TBL3: variants seen among roughly 807,000 people sequenced by gnomAD.
TBL3 encodes transducin beta like 3.
A neutral mutation model predicts 102.7 loss-of-function variants in TBL3; 71 were observed. That is an observed-to-expected ratio of 0.69 (90% confidence interval 0.57 to 0.84). TBL3 has a LOEUF of 0.84. Ranked by LOEUF, TBL3 falls within the 40% of genes least tolerant of loss-of-function variation. The pLI, the probability that TBL3 is intolerant of heterozygous loss-of-function variation, is 0.00. For missense variants in TBL3, 1,188 were observed against 1,098.5 expected (o/e 1.08, Z -1.15); for synonymous variants, 578 against 477.7 (o/e 1.21, Z -2.74).
In TBL3 at chr16:1,981,236, C is replaced by T. The variant is rs554884907; in HGVS notation, c.*2551C>T. On this transcript the variant is annotated 3_prime_UTR_variant, in exon 22 of 22. Transcript: ENST00000568546. ...ATGGGCGAGGACCCTTCTGCCTCCC[C>T]GTGCTTGAGAGGGCTCTGGGGGACC... is the stretch of plus-strand genomic sequence containing the variant. The T allele has an allele frequency of 2.2e-5, 35 of 1,609,192 alleles. No individual in the cohort carries two copies. Among genetic ancestry groups the T allele is most frequent in the Non-Finnish European group, 2.7e-5 (32 of 1,178,102 alleles).
chr16:1,974,738 A>G (rs2083385901), intron 5 of TBL3, 25 bp from the exon 6 acceptor site: 1 of 1,611,246 alleles, frequency 6.2e-7, no homozygotes, highest in East Asian at 2.2e-5. Flanking sequence ...TGGGCATTCC[A>G]CCCCCTCACC....
At position 1,979,057 on chromosome 16, in the gene TBL3, G is replaced by A. The variant is rs537694064; in HGVS notation, c.*372G>A. On this transcript the variant is annotated 3_prime_UTR_variant, in exon 22 of 22. Coordinates refer to ENST00000568546, the MANE Select transcript of TBL3 (RefSeq NM_006453.3). ...CCTCATCGGGATCCTCGCGCTCACT[G>A]CTCCGTCGTGGGGTGCGGCACAGAG... 25 of 1,545,870 alleles carry A rather than the reference G, an allele frequency of 1.6e-5. No homozygotes were observed. In the Admixed American group the frequency reaches 4.7e-4, roughly 29 times the overall value.
Position 1,977,938 on chromosome 16 carries a change from C to T in TBL3, c.1959-20C>T. 1.3e-6 allele frequency: 2 copies of T among 1,587,648 alleles called. No individual in the cohort carries two copies. Among genetic ancestry groups the T allele is most frequent in the African/African-American group, 1.3e-5 (1 of 74,498 alleles). ...GCCCCAGCCAGCGGCCCTCAGTGGC[C>T]TCTCCTCCCCTCCCCACAGGCAGCA... On this transcript the variant is annotated intron_variant, in intron 18 of 21. Transcript: ENST00000568546.
chr16:1,979,502 G>A lies in TBL3; in HGVS notation c.*817G>A. 2 of 1,611,826 alleles carry A rather than the reference G, an allele frequency of 1.2e-6. No individual in the cohort carries two copies. Among genetic ancestry groups the A allele is most frequent in the Middle Eastern group, 1.7e-4 (1 of 6,054 alleles). ...CCGCGGGCACGGACAGCTCATCTGCGCGGCTGCTCTCGTAGGCGCGGGAAG... is the reference window on the plus strand; with the variant it reads ...CCGCGGGCACGGACAGCTCATCTGCACGGCTGCTCTCGTAGGCGCGGGAAG... On this transcript the variant is annotated 3_prime_UTR_variant, in exon 22 of 22. Coordinates refer to ENST00000568546, the MANE Select transcript of TBL3 (RefSeq NM_006453.3).
Position 1,977,583 on chromosome 16 carries a change from C to G in TBL3, c.1812C>G (p.His604Gln), listed in dbSNP as rs778984130. Reference protein sequence around the residue: ...NNECVRTLDAHEDKVWGLHCS... With the variant: ...NNECVRTLDAQEDKVWGLHCS... ...AGTGTGTGCGGACGCTGGATGCCCA[C>G]GAGGACAAGGTCTGGGGGCTGCACT... The change falls in exon 17 of 22, where the codon CAC becomes CAG. Residue 604 changes from histidine to glutamine, a missense_variant. Transcript: ENST00000568546. The G allele has an allele frequency of 6.3e-7, 1 of 1,578,508 alleles. No homozygotes were observed. Among genetic ancestry groups the G allele is most frequent in the Admixed American group, 1.8e-5 (1 of 55,890 alleles).
intron 1 of TBL3, among the ~76,000 whole-genome samples, chr16:1,972,780 C>G (rs2083369683): frequency 6.6e-6 from 1 of 152,198 alleles, no homozygotes; most frequent in Admixed American, 6.5e-5. Context: ...GTGCCAAGCA[C>G]TGGTAAAGGA....
chr16:1,977,445 G>T lies in TBL3; in HGVS notation c.1742+19G>T, dbSNP rs1192588775. The T allele has an allele frequency of 6.2e-7, 1 of 1,612,056 alleles. No homozygotes were observed. The highest frequency in any genetic ancestry group is 1.3e-5 in the African/African-American group (1 of 74,878). Reference sequence around the variant, plus strand: ...TGTCCAGGTGAGTGGGCTGGGGTGGGGCAGCGATGGAGTGGGGGGTGGCGG... The same window carrying T: ...TGTCCAGGTGAGTGGGCTGGGGTGGTGCAGCGATGGAGTGGGGGGTGGCGG... On this transcript the variant is annotated intron_variant, in intron 16 of 21. Coordinates refer to ENST00000568546, the MANE Select transcript of TBL3 (RefSeq NM_006453.3).
rs1469468381 is a variant in TBL3 at position 1,980,920 on chromosome 16, G to A, written c.*2235G>A. 1.9e-6 allele frequency: 3 copies of A among 1,608,392 alleles called. No individual in the cohort carries two copies. Among genetic ancestry groups the A allele is most frequent in the Admixed American group, 1.7e-5 (1 of 59,986 alleles). On this transcript the variant is annotated 3_prime_UTR_variant, in exon 22 of 22. Coordinates refer to ENST00000568546, the MANE Select transcript of TBL3 (RefSeq NM_006453.3). ...GGGAAGCCGCCACCGCGGCATCAGGGTGGCCCAGGGTCACTCACCTTGAGC... is the reference window on the plus strand; with the variant it reads ...GGGAAGCCGCCACCGCGGCATCAGGATGGCCCAGGGTCACTCACCTTGAGC...
rs764988315 is a variant in TBL3, at chr16:1,974,976, G to T, written c.513G>T (p.Ser171=). 2 of 1,608,686 alleles carry T rather than the reference G, an allele frequency of 1.2e-6. No individual in the cohort carries two copies. Among genetic ancestry groups the T allele is most frequent in the Non-Finnish European group, 8.5e-7 (1 of 1,179,980 alleles). Residue 171 remains serine, a synonymous_variant, in exon 7 of 22, where the codon TCG becomes TCT. Coordinates refer to ENST00000568546, the MANE Select transcript of TBL3 (RefSeq NM_006453.3). ...PDPTRLLLFS[S]ATDAAIRVWS... Reference sequence around the variant, plus strand: ...CTACACGCCTGCTGCTCTTCTCCTCGGCCACGGATGCCGCCATCCGCGTGT... The same window carrying T: ...CTACACGCCTGCTGCTCTTCTCCTCTGCCACGGATGCCGCCATCCGCGTGT...
In TBL3 at chr16:1,973,975, G is replaced by C. The variant is rs1051775062; in HGVS notation, c.42-81G>C. On this transcript the variant is annotated intron_variant, in intron 1 of 21. Coordinates refer to ENST00000568546, the MANE Select transcript of TBL3 (RefSeq NM_006453.3). ...GGGCAGGGGCCATTGGGGTCACTTG[G>C]AGAGGAGCACCTAGCACAGGGCGGG... 2.8e-6 allele frequency: 4 copies of C among 1,409,878 alleles called. No individual in the cohort carries two copies. The African/African-American group carries it at 4.3e-5, about 15-fold the overall frequency. 87.3% of individuals were successfully genotyped at this position (1,409,878 alleles called of 1,614,324 possible). A position where few individuals can be genotyped will look rare whatever the true frequency, so the allele number is the denominator to read the frequency against.
chr16:1,974,443 G>C lies in TBL3; in HGVS notation c.237+20G>C. Reference sequence around the variant, plus strand: ...AACGAGGTATGTGGGGCGGGGCCTGGAGGGGACCCGCTCCAGCGCCTCCCT... The same window carrying C: ...AACGAGGTATGTGGGGCGGGGCCTGCAGGGGACCCGCTCCAGCGCCTCCCT... On this transcript the variant is annotated intron_variant, in intron 4 of 21. Coordinates refer to ENST00000568546, the MANE Select transcript of TBL3 (RefSeq NM_006453.3). The C allele has an allele frequency of 6.2e-7, 1 of 1,600,636 alleles. No individual in the cohort carries two copies. Among genetic ancestry groups the C allele is most frequent in the Non-Finnish European group, 8.5e-7 (1 of 1,173,412 alleles).
rs986335215 is a variant in TBL3, at chr16:1,976,211, G to A, written c.1189G>A (p.Asp397Asn). Reference protein sequence around the residue: ...KGWLFASCAKDQSVRIWRMNK... With the variant: ...KGWLFASCAKNQSVRIWRMNK... ...TCTCTCCTCAACTCCCTGTCCCCAG[G>A]ATCAGAGCGTCCGTATCTGGAGAAT... Residue 397 changes from aspartate to asparagine, a missense_variant and splice_region_variant, in exon 13 of 22, where the codon GAT becomes AAT. By Grantham distance (23) the Asp-to-Asn change is conservative. Transcript: ENST00000568546. The A allele has an allele frequency of 2.5e-6, 4 of 1,614,054 alleles. No individual in the cohort carries two copies. The African/African-American group carries it at 5.3e-5, about 22-fold the overall frequency.
rs779260598 is a variant in TBL3, at chr16:1,977,213, C to A, written c.1600C>A (p.Gln534Lys). ...LWCVQFSPMD[Q>K]VLATASADGT... is the part of the protein sequence containing the mutation. ...GTGCGTCCAGTTCTCTCCCATGGACCAGGTGCTGGCCACGGCCTCAGCTGA... is the reference window on the plus strand; with the variant it reads ...GTGCGTCCAGTTCTCTCCCATGGACAAGGTGCTGGCCACGGCCTCAGCTGA... The change falls in exon 15 of 22, where the codon CAG (glutamine) becomes AAG (lysine). Residue 534 changes from glutamine to lysine, a missense_variant. Gln to Lys is a moderately conservative substitution (Grantham distance 53). Coordinates refer to ENST00000568546, the MANE Select transcript of TBL3 (RefSeq NM_006453.3). 1 of 1,613,182 alleles carries A rather than the reference C, an allele frequency of 6.2e-7. No homozygotes were observed. The highest frequency in any genetic ancestry group is 1.1e-5 in the South Asian group (1 of 91,080).
chr16:1,973,656 C>G (rs1270372065), intron 1 of TBL3, among the ~76,000 whole-genome samples: 1 of 152,064 alleles, frequency 6.6e-6, no homozygotes, highest in Non-Finnish European at 1.5e-5. Flanking sequence ...AAGAGGTATG[C>G]CAGACCTCAG....
At position 1,980,469 on chromosome 16, in the gene TBL3, C is replaced by T. The variant is rs369555569; in HGVS notation, c.*1784C>T. 3 of 1,602,090 alleles carry T rather than the reference C, an allele frequency of 1.9e-6. No homozygotes were observed. The East Asian group carries it at 6.7e-5, about 36-fold the overall frequency. On this transcript the variant is annotated 3_prime_UTR_variant, in exon 22 of 22. Coordinates refer to ENST00000568546, the MANE Select transcript of TBL3 (RefSeq NM_006453.3). ...GCGCTCTGCAGTCGCCAGCAGCCTCCGAGAATAGGTTTCCAACAGCTGCAG... is the reference window on the plus strand; with the variant it reads ...GCGCTCTGCAGTCGCCAGCAGCCTCTGAGAATAGGTTTCCAACAGCTGCAG...
chr16:1,979,694 G>T lies in TBL3; in HGVS notation c.*1009G>T, dbSNP rs545703772. 136 of 1,210,078 alleles carry T rather than the reference G, an allele frequency of 1.1e-4. No individual in the cohort carries two copies. The African/African-American group carries it at 1.7e-3, about 15-fold the overall frequency. 75.0% of individuals were successfully genotyped at this position (1,210,078 alleles called of 1,614,324 possible). The stretch of plus-strand genomic sequence containing the variant: ...TCCTCTAGGTGCGGAGACCAAGCAC[G>T]GGCTCCTGGCCCGCCCTGCCCGCGG... On this transcript the variant is annotated 3_prime_UTR_variant, in exon 22 of 22. Transcript: ENST00000568546.
chr16:1,976,610 T>C (rs772245381), intron 13 of TBL3, among the ~76,000 whole-genome samples: 1 of 152,192 alleles, frequency 6.6e-6, no homozygotes, highest in Non-Finnish European at 1.5e-5. Flanking sequence ...GTCCTGTGGC[T>C]AGGGCTGAGC....
At chr16:1,978,258 G>C (rs746588735) in intron 20 of TBL3, 38 bp downstream of exon 20, 75 of 1,612,354 alleles carry the variant, frequency 4.7e-5, no homozygotes, top group African/African-American at 9.3e-5. Context: ...CGGTGGGCAA[G>C]GGCCAGTCAT....
rs773491771 is a variant in TBL3 at position 1,979,346 on chromosome 16, G to C, written c.*661G>C. 1 of 1,578,914 alleles carries C rather than the reference G, an allele frequency of 6.3e-7. No individual in the cohort carries two copies. The highest frequency in any genetic ancestry group is 1.1e-5 in the South Asian group (1 of 88,272). On this transcript the variant is annotated 3_prime_UTR_variant, in exon 22 of 22. Coordinates refer to ENST00000568546, the MANE Select transcript of TBL3 (RefSeq NM_006453.3). Reference sequence around the variant, plus strand: ...CGGGGAGTAGGCCCGCCCGGTCGCCGTACCTGCGAGGGGCGGGGTGTGGTT... The same window carrying C: ...CGGGGAGTAGGCCCGCCCGGTCGCCCTACCTGCGAGGGGCGGGGTGTGGTT...
Sources: gnomAD v4.1 joint callset for allele counts (sites outside exome capture counted in the v4.1 genomes callset) on GRCh38, gnomAD v4.1.1 for gene constraint, MANE v1.5 for transcripts, NCBI Gene and HGNC (gene_info 2026-07-23, HGNC 2026-07-21) for gene names.